The following SMIM14 variants were observed in gnomAD, a reference collection of about 807,000 sequenced individuals.
SMIM14 encodes the protein small integral membrane protein 14, also known as chromosome 4 open reading frame 34.
SMIM14 carries 5 observed loss-of-function variants against 12.6 expected under a neutral mutation model. That is an observed-to-expected ratio of 0.40 (90% CI 0.21 to 0.83). SMIM14 has a LOEUF of 0.83. Among genes scored for constraint, SMIM14 ranks in the 40% least tolerant of loss-of-function variants. The pLI is 0.37. For synonymous variants in SMIM14, 30 were observed against 40.1 expected, an observed-to-expected ratio of 0.75 and a Z score of 0.95; for missense variants, 86 against 119.1, an observed-to-expected ratio of 0.72 and a Z score of 1.29.
intron 1 of SMIM14, among the ~76,000 whole-genome samples, chr4:39,612,678 G>A (rs1389435136): frequency 1.3e-5 from 2 of 152,192 alleles, no homozygotes; most frequent in Admixed American, 6.5e-5. Flanking sequence ...ATGGCTCACT[G>A]CAGCCTCGAC....
intron 1 of SMIM14, among the ~76,000 whole-genome samples, chr4:39,622,069 T>A (rs757862127): frequency 6.6e-6 from 1 of 152,068 alleles, no homozygotes; most frequent in Non-Finnish European, 1.5e-5. Context: ...ACATAGCAAA[T>A]GCACTTTTTT....
intron 3 of SMIM14, among the ~76,000 whole-genome samples, chr4:39,560,438 T>C (rs1417428761): frequency 6.6e-6 from 1 of 151,942 alleles, no homozygotes; most frequent in East Asian, 1.9e-4. Context: ...CCTCCGAAAA[T>C]GCTGGGATTA....
At chr4:39,625,069 T>G (rs1267067311) in intron 1 of SMIM14, among the ~76,000 whole-genome samples, 2 of 150,160 alleles carry the variant, frequency 1.3e-5, no homozygotes, top group East Asian at 2.0e-4. Flanking sequence ...AAGACAAAAG[T>G]TAGCTGGGTG....
intron 4 of SMIM14, among the ~76,000 whole-genome samples, chr4:39,555,378 G>A (rs1711957948): frequency 1.3e-5 from 2 of 151,772 alleles, no homozygotes; most frequent in African/African-American, 2.4e-5. Flanking sequence ...GACTACAGGC[G>A]CATGCCACCA....
intron 1 of SMIM14, among the ~76,000 whole-genome samples, chr4:39,608,570 A>C (rs1288796951): frequency 6.6e-6 from 1 of 152,270 alleles, no homozygotes; most frequent in Non-Finnish European, 1.5e-5. Flanking sequence ...GATTCCATTT[A>C]TATGAAATAT....
intron 4 of SMIM14, 94 bp from the exon 5 acceptor site, chr4:39,552,252 T>A (rs1490506311): frequency 9.4e-7 from 1 of 1,068,070 alleles, no homozygotes; most frequent in Non-Finnish European, 1.3e-6. Flanking sequence ...ACTTATTAAA[T>A]CCCAGTGCAA....
At chr4:39,567,860 G>C (rs1320259836) in intron 3 of SMIM14, among the ~76,000 whole-genome samples, 1 of 152,158 alleles carries the variant, frequency 6.6e-6, no homozygotes, top group African/African-American at 2.4e-5. Flanking sequence ...AGCCCTGTTT[G>C]CTCCACTGCA....
chr4:39,611,060 T>G (rs973883726), intron 1 of SMIM14, among the ~76,000 whole-genome samples: 1 of 152,170 alleles, frequency 6.6e-6, no homozygotes, highest in Non-Finnish European at 1.5e-5. Flanking sequence ...TTCCTTAATT[T>G]ACAGAGAACT....
intron 3 of SMIM14, among the ~76,000 whole-genome samples, chr4:39,571,053 G>C (rs1050438303): frequency 6.6e-6 from 1 of 151,968 alleles, no homozygotes; most frequent in Non-Finnish European, 1.5e-5. Flanking sequence ...TGAGTATCCT[G>C]AAAAAAGATG....
intron 2 of SMIM14, chr4:39,592,681 G>T (rs1020519387): frequency 2.6e-5 from 4 of 151,970 alleles, no homozygotes; most frequent in Admixed American, 2.6e-4. Flanking sequence ...AGAAAAGAGA[G>T]AAGAATCAAA....
At position 39,561,841 on chromosome 4, in the gene SMIM14, G is replaced by A. The variant is rs975554065; in HGVS notation, c.125-5271C>T. Among the ~76,000 whole-genome samples, 9 of 152,138 alleles carry A rather than the reference G, an allele frequency of 5.9e-5. No individual in the cohort carries two copies. The South Asian group carries it at 6.2e-4, about 11-fold the overall frequency. On this transcript the variant is annotated intron_variant, in intron 3 of 4. Coordinates refer to ENST00000295958, the MANE Select transcript of SMIM14 (RefSeq NM_174921.3). ...TCCCAGCTACTTGGGGGGTTGTAGC[G>A]GAAAAATTGCTCGAACCCGGAAGAC...
rs1424116190 is a variant in SMIM14, at chr4:39,546,473, ATTGTAG to A, written c.*5647_*5652del. ...TTTAAAAATATGATCATGAAAGATA[ATTGTAG>A]TTGGTGTTTATGGAGCATCTTTTGG... On this transcript the variant is annotated 3_prime_UTR_variant, in exon 5 of 5. Coordinates refer to ENST00000295958, the MANE Select transcript of SMIM14 (RefSeq NM_174921.3). 2 of 151,704 alleles carry A rather than the reference ATTGTAG, an allele frequency of 1.3e-5. No individual in the cohort carries two copies. Among genetic ancestry groups the A allele is most frequent in the Non-Finnish European group, 2.9e-5 (2 of 67,966 alleles). 9.4% of individuals were successfully genotyped at this position (151,704 alleles called of 1,614,324 possible).
intron 2 of SMIM14, among the ~76,000 whole-genome samples, chr4:39,573,177 C>T (rs1002884320): frequency 1.3e-5 from 2 of 151,862 alleles, no homozygotes; most frequent in Non-Finnish European, 2.9e-5. Context: ...CTCACTGCAA[C>T]CTCCGCCTCC....
chr4:39,574,012 C>T (rs1251502705), intron 2 of SMIM14, among the ~76,000 whole-genome samples: 2 of 151,984 alleles, frequency 1.3e-5, no homozygotes, highest in East Asian at 1.9e-4. Context: ...TGTTTAAAAA[C>T]GAAAATCTCA....
intron 1 of SMIM14, among the ~76,000 whole-genome samples, chr4:39,632,775 TCACACACA>T (rs369057968): frequency 0.12 from 13,377 of 114,990 alleles, 803 homozygotes; most frequent in Non-Finnish European, 0.13. Context: ...GAGACTCCCG[TCACACACA>T]CACACACACA....
At chr4:39,637,819 C>G (rs182570200) in intron 1 of SMIM14, among the ~76,000 whole-genome samples, 1 of 152,196 alleles carries the variant, frequency 6.6e-6, no homozygotes, top group African/African-American at 2.4e-5. Flanking sequence ...GAAGGTCTTA[C>G]GCTTTCCAAG....
chr4:39,547,766 C>T lies in SMIM14; in HGVS notation c.*4360G>A, dbSNP rs1157817071. On this transcript the variant is annotated 3_prime_UTR_variant, in exon 5 of 5. Transcript: ENST00000295958. Reference sequence around the variant, plus strand: ...TGGTAATTCCATAAACACTCCCACACCACATACCACAAAAACACTAAAAGT... The same window carrying T: ...TGGTAATTCCATAAACACTCCCACATCACATACCACAAAAACACTAAAAGT... 5.9e-5 allele frequency: 9 copies of T among 152,266 alleles called. No individual in the cohort carries two copies. The East Asian group carries it at 1.5e-3, about 26-fold the overall frequency. The allele number at this position is 152,266 out of a possible 1,614,324, so 9.4% of individuals were successfully genotyped here. A position where few individuals can be genotyped will look rare whatever the true frequency, so the allele number is the denominator to read the frequency against.
At chr4:39,610,069 C>T (rs1487201349) in intron 1 of SMIM14, among the ~76,000 whole-genome samples, 1 of 152,206 alleles carries the variant, frequency 6.6e-6, no homozygotes, top group Non-Finnish European at 1.5e-5. Flanking sequence ...CACCTCACTG[C>T]AGCCTCAACC....
intron 3 of SMIM14, among the ~76,000 whole-genome samples, chr4:39,567,143 G>GAAAAAAAAAAAAAA (rs1168446466): frequency 2.8e-5 from 2 of 72,088 alleles, no homozygotes; most frequent in Admixed American, 2.0e-4. Flanking sequence ...CTCAAAAAAA[G>GAAAAAAAAAAAAAA]AAAAAAAAAA....
Sources: gnomAD v4.1 joint callset for allele counts (sites outside exome capture counted in the v4.1 genomes callset) on GRCh38, gnomAD v4.1.1 for gene constraint, MANE v1.5 for transcripts, NCBI Gene and HGNC (gene_info 2026-07-23, HGNC 2026-07-21) for gene names.